PPFIBP2: variants seen among roughly 807,000 people sequenced by gnomAD.
PPFIBP2 encodes the protein liprin-beta-2.
A neutral mutation model predicts 118.3 loss-of-function variants in PPFIBP2; 118 were observed. That is an observed-to-expected ratio of 1.00 (90% CI 0.86 to 1.16). The LOEUF is 1.16. Ranked by LOEUF, PPFIBP2 falls within the 50% of genes most tolerant of loss-of-function variation. PPFIBP2 has a pLI of 0.00. For missense variants in PPFIBP2, 1,195 were observed against 1,073.1 expected (o/e 1.11, Z -1.59); for synonymous variants, 414 against 397.4 (o/e 1.04, Z -0.50).
rs113603711 is a variant in PPFIBP2 at position 7,553,091 on chromosome 11, G to T, written c.64+3552G>T. On this transcript the variant is annotated intron_variant, in intron 2 of 23. Coordinates refer to ENST00000299492, the MANE Select transcript of PPFIBP2 (RefSeq NM_003621.5). ...TTTTTTCATTTGCTTTTGTGACTAG[G>T]ATCTCCTTTTCATTGGTTAGGAGGT... Among the ~76,000 whole-genome samples the T allele has an allele frequency of 3.1e-3, 466 of 152,180 alleles. 1 individual carries two copies. The highest frequency in any genetic ancestry group is 0.012 in the South Asian group (57 of 4,816).
chr11:7,658,588 A>G (rs1465613100), downstream of PPFIBP2, among the ~76,000 whole-genome samples: 2 of 55,460 alleles, frequency 3.6e-5, no homozygotes, highest in Non-Finnish European at 6.6e-5. Context: ...GCTATTGTGA[A>G]TAATGCTGCA....
At chr11:7,611,709 A>T (rs896257513) in intron 6 of PPFIBP2, among the ~76,000 whole-genome samples, 1 of 152,222 alleles carries the variant, frequency 6.6e-6, no homozygotes, top group African/African-American at 2.4e-5. Flanking sequence ...TTCTTTGGTT[A>T]TTCTGAGGAG....
chr11:7,593,310 TTC>T, intron 4 of PPFIBP2, 86 bp downstream of exon 4: 2 of 1,505,936 alleles, frequency 1.3e-6, no homozygotes, highest in Non-Finnish European at 1.8e-6. Context: ...CCAAGAGATT[TTC>T]TCTGTTGGAA....
At chr11:7,533,272 G>A (rs1850913386) in intron 1 of PPFIBP2, among the ~76,000 whole-genome samples, 1 of 152,194 alleles carries the variant, frequency 6.6e-6, no homozygotes, top group Non-Finnish European at 1.5e-5. Flanking sequence ...CAGGTGTGGA[G>A]AAAGTTCGAT....
intron 1 of PPFIBP2, among the ~76,000 whole-genome samples, chr11:7,520,037 C>A (rs1849602372): frequency 6.6e-6 from 1 of 152,170 alleles, no homozygotes; most frequent in Non-Finnish European, 1.5e-5. Flanking sequence ...GGGACACAGA[C>A]CCGAGCCTCT....
Position 7,637,890 on chromosome 11 carries a change from T to A in PPFIBP2, c.1237-1842T>A, listed in dbSNP as rs776717220. Among the ~76,000 whole-genome samples, 52 of 152,218 alleles carry A rather than the reference T, an allele frequency of 3.4e-4. 1 individual carries two copies. Among genetic ancestry groups the A allele is most frequent in the Non-Finnish European group, 7.3e-5 (5 of 68,032 alleles). On this transcript the variant is annotated intron_variant, in intron 14 of 23. Transcript: ENST00000299492. ...GTTAGGTATGTGTTCTCCTTGCATC[T>A]CAGCTCCTCAGGGAGCTCCCCGGGT...
chr11:7,575,619 T>C (rs1856214212), intron 3 of PPFIBP2, among the ~76,000 whole-genome samples: 1 of 152,226 alleles, frequency 6.6e-6, no homozygotes. Context: ...ATACCTTTAT[T>C]GCATACCATA....
At chr11:7,540,861 C>A (rs1011834812) in intron 1 of PPFIBP2, among the ~76,000 whole-genome samples, 1 of 152,126 alleles carries the variant, frequency 6.6e-6, no homozygotes, top group Non-Finnish European at 1.5e-5. Flanking sequence ...GCAGGGACAG[C>A]TGTAGGCATG....
chr11:7,624,015 G>C (rs1376660436), intron 7 of PPFIBP2, among the ~76,000 whole-genome samples: 1 of 152,196 alleles, frequency 6.6e-6, no homozygotes, highest in Non-Finnish European at 1.5e-5. Context: ...TGGAGGGACA[G>C]TGCTTCATTA....
At chr11:7,520,945 C>A (rs1849703111) in intron 1 of PPFIBP2, among the ~76,000 whole-genome samples, 1 of 152,170 alleles carries the variant, frequency 6.6e-6, no homozygotes, top group South Asian at 2.1e-4. Flanking sequence ...TCTTCACAAG[C>A]TTCATTCTTA....
At chr11:7,560,537 AAC>A (rs1854183619) in intron 2 of PPFIBP2, among the ~76,000 whole-genome samples, 1 of 152,212 alleles carries the variant, frequency 6.6e-6, no homozygotes, top group Non-Finnish European at 1.5e-5. Context: ...AAGTTATTTA[AAC>A]ATTCACCAAT....
intron 3 of PPFIBP2, among the ~76,000 whole-genome samples, chr11:7,580,675 C>T (rs576403167): frequency 1.2e-4 from 18 of 152,258 alleles, no homozygotes; most frequent in Non-Finnish European, 1.8e-4. Flanking sequence ...GGCATTGCCA[C>T]GTTTACCAGC....
chr11:7,555,511 G>C (rs184549657), intron 2 of PPFIBP2, among the ~76,000 whole-genome samples: 3 of 152,198 alleles, frequency 2.0e-5, no homozygotes, highest in Non-Finnish European at 2.9e-5. Context: ...GTCCTTGACT[G>C]ATCTTGTCCC....
intron 1 of PPFIBP2, among the ~76,000 whole-genome samples, chr11:7,524,124 C>CTG (rs1262915731): frequency 6.7e-6 from 1 of 149,426 alleles, no homozygotes; most frequent in African/African-American, 2.5e-5. Flanking sequence ...CTGTGTGTGT[C>CTG]TGTGCGTGTG....
At chr11:7,663,149 G>A in the PPFIBP2 span, among the ~76,000 whole-genome samples, 937 of 131,472 alleles carry the variant, frequency 7.1e-3, 54 homozygotes, top group African/African-American at 0.022. Flanking sequence ...CTCTCAGCTC[G>A]TCAAAGTCAT....
At chr11:7,620,666 G>A (rs11041486) in intron 6 of PPFIBP2, among the ~76,000 whole-genome samples, 6,853 of 152,298 alleles carry the variant, frequency 0.045, 277 homozygotes, top group African/African-American at 0.1. Flanking sequence ...ATACCCCACA[G>A]AGGACATAGA....
At chr11:7,665,784 A>G in the PPFIBP2 span, 1 of 1,458,620 alleles carries the variant, frequency 6.9e-7, no homozygotes. Flanking sequence ...GCTGTCTGTC[A>G]GCTGTCAGCA....
At chr11:7,562,600 C>G (rs1469843116) in intron 2 of PPFIBP2, among the ~76,000 whole-genome samples, 3 of 152,094 alleles carry the variant, frequency 2.0e-5, no homozygotes, top group Non-Finnish European at 4.4e-5. Flanking sequence ...GGCTGGTTAT[C>G]AAACTCTTCC....
At chr11:7,605,038 G>A (rs545026419) in intron 5 of PPFIBP2, among the ~76,000 whole-genome samples, 2 of 152,328 alleles carry the variant, frequency 1.3e-5, no homozygotes, top group East Asian at 3.9e-4. Flanking sequence ...TCAGTCAGGG[G>A]CAATTCAGGA....
Sources: gnomAD v4.1 joint callset for allele counts (sites outside exome capture counted in the v4.1 genomes callset) on GRCh38, gnomAD v4.1.1 for gene constraint, MANE v1.5 for transcripts, NCBI Gene and HGNC (gene_info 2026-07-23, HGNC 2026-07-21) for gene names.